Variants in TWSG1 observed in about 807,000 individuals in gnomAD.
TWSG1 encodes the protein twisted gastrulation protein homolog 1.
In TWSG1, 15 loss-of-function variants were observed where a neutral mutation model predicts 23.0. The ratio of observed to expected loss-of-function variants is 0.65; its 90% CI spans 0.44 to 1.00. TWSG1 has a LOEUF of 1.00. Ranked by LOEUF, TWSG1 falls within the 50% of genes least tolerant of loss-of-function variation. TWSG1 has a pLI of 0.00. For missense variants in TWSG1, 242 were observed against 278.7 expected, an observed-to-expected ratio of 0.87 and a Z score of 0.94; for synonymous variants, 86 against 92.8, an observed-to-expected ratio of 0.93 and a Z score of 0.42.
At chr18:9,386,113 G>A (rs1375162183) in intron 3 of TWSG1, among the ~76,000 whole-genome samples, 5 of 150,816 alleles carry the variant, frequency 3.3e-5, no homozygotes, top group African/African-American at 1.2e-4. Flanking sequence ...AGGTTGCAGT[G>A]AGCCGAGATC....
In TWSG1 at chr18:9,337,222, G is replaced by C; in HGVS notation, c.-8G>C. ...CTGGGAGTTACTGATCATCTTCTTT[G>C]AAGAAACATGAAGTTACACTATGTT... On this transcript the variant is annotated 5_prime_UTR_variant, in exon 2 of 5. Coordinates refer to ENST00000262120, the MANE Select transcript of TWSG1 (RefSeq NM_020648.6). The C allele has an allele frequency of 1.2e-6, 2 of 1,609,564 alleles. No homozygotes were observed. The highest frequency in any genetic ancestry group is 1.7e-6 in the Non-Finnish European group (2 of 1,179,808).
intron 3 of TWSG1, among the ~76,000 whole-genome samples, chr18:9,392,390 T>G (rs1042168748): frequency 5.9e-5 from 9 of 152,262 alleles, no homozygotes; most frequent in African/African-American, 2.2e-4. Flanking sequence ...AACCAATCTC[T>G]GCCAGCTTCA....
At chr18:9,338,480 A>T (rs2040432229) in intron 2 of TWSG1, among the ~76,000 whole-genome samples, 1 of 151,710 alleles carries the variant, frequency 6.6e-6, no homozygotes, top group South Asian at 2.1e-4. Flanking sequence ...CTCCTACATT[A>T]TTCACTCCCA....
chr18:9,399,575 A>G lies in TWSG1; in HGVS notation c.*48A>G, dbSNP rs775778823. 2.0e-6 allele frequency: 3 copies of G among 1,498,206 alleles called. No individual in the cohort carries two copies. The Admixed American group carries it at 6.4e-5, about 32-fold the overall frequency. 92.8% of individuals were successfully genotyped at this position (1,498,206 alleles called of 1,614,324 possible). A position where few individuals can be genotyped will look rare whatever the true frequency, so the allele number is the denominator to read the frequency against. ...CAACTTAGTAAAATAATAGGTATAA[A>G]AAGTTATTCTGTAAGTCTGTTGGTT... is the stretch of plus-strand genomic sequence containing the variant. On this transcript the variant is annotated 3_prime_UTR_variant, in exon 5 of 5. Coordinates refer to ENST00000262120, the MANE Select transcript of TWSG1 (RefSeq NM_020648.6).
intron 2 of TWSG1, among the ~76,000 whole-genome samples, chr18:9,343,210 T>TTATA (rs6146209): frequency 1.5e-3 from 197 of 131,678 alleles, no homozygotes; most frequent in African/African-American, 2.0e-3. Flanking sequence ...TTGTTTTTTG[T>TTATA]TATATATATA....
At chr18:9,339,935 C>T (rs937712078) in intron 2 of TWSG1, among the ~76,000 whole-genome samples, 6 of 152,154 alleles carry the variant, frequency 3.9e-5, no homozygotes, top group Admixed American at 1.3e-4. Context: ...TCAGCTAGGA[C>T]GTATTTTCAG....
intron 3 of TWSG1, among the ~76,000 whole-genome samples, chr18:9,372,273 T>C (rs1392268672): frequency 1.3e-5 from 2 of 151,476 alleles, no homozygotes; most frequent in Middle Eastern, 3.2e-3. Context: ...CTATACTTTT[T>C]CCTATACATA....
intron 3 of TWSG1, among the ~76,000 whole-genome samples, chr18:9,371,811 G>A (rs530542786): frequency 9.7e-4 from 131 of 135,672 alleles, no homozygotes; most frequent in African/African-American, 3.1e-3. Flanking sequence ...TCGCACTGTC[G>A]CCTGGGCTGG....
At chr18:9,337,494 C>A in intron 2 of TWSG1, 142 bp downstream of exon 2, 2 of 864,428 alleles carry the variant, frequency 2.3e-6, no homozygotes, top group Non-Finnish European at 3.4e-6. Flanking sequence ...AATCATGACA[C>A]ACAGGTCTGG....
rs528259002 is a variant in TWSG1, at chr18:9,385,415, G to A, written c.224-10865G>A. ...GCTTAAAAGAAAGAACGGGCCGGGC[G>A]CGGTGGCTCACGCCTGTAATCCCAG... On this transcript the variant is annotated intron_variant, in intron 3 of 4. Transcript: ENST00000262120. Among the ~76,000 whole-genome samples the A allele has an allele frequency of 4.5e-3, 173 of 38,202 alleles. 63 individuals are homozygous for A. Among genetic ancestry groups the A allele is most frequent in the African/African-American group, 0.028 (163 of 5,738 alleles). 25.1% of individuals were successfully genotyped at this position (38,202 alleles called of 152,430 possible).
intron 2 of TWSG1, among the ~76,000 whole-genome samples, chr18:9,341,032 A>G (rs1309990116): frequency 2.0e-5 from 3 of 151,026 alleles, no homozygotes; most frequent in Non-Finnish European, 2.9e-5. Flanking sequence ...CTCTATCCCC[A>G]TCTCCCTCCC....
chr18:9,349,627 C>T (rs375189438), intron 2 of TWSG1, among the ~76,000 whole-genome samples: 10 of 152,204 alleles, frequency 6.6e-5, no homozygotes, highest in Admixed American at 3.3e-4. Context: ...AAGTTTAGGG[C>T]TTCCTTAATT....
At chr18:9,372,049 G>GGCCTC (rs2040608146) in intron 3 of TWSG1, among the ~76,000 whole-genome samples, 1 of 152,066 alleles carries the variant, frequency 6.6e-6, no homozygotes. Flanking sequence ...ACAGCCGTGA[G>GGCCTC]CCATCGCGCC....
At chr18:9,391,368 AT>A (rs1438179777) in intron 3 of TWSG1, among the ~76,000 whole-genome samples, 3 of 152,208 alleles carry the variant, frequency 2.0e-5, no homozygotes, top group Non-Finnish European at 4.4e-5. Flanking sequence ...TAAACTCCTG[AT>A]AATGTTGATA....
chr18:9,351,602 A>G (rs1353321967), intron 2 of TWSG1, among the ~76,000 whole-genome samples: 1 of 146,532 alleles, frequency 6.8e-6, no homozygotes, highest in Admixed American at 6.8e-5. Context: ...TTATGAAGAA[A>G]CCCCAGTGTA....
At chr18:9,378,480 T>C (rs1347686741) in intron 3 of TWSG1, among the ~76,000 whole-genome samples, 1 of 152,158 alleles carries the variant, frequency 6.6e-6, no homozygotes, top group Non-Finnish European at 1.5e-5. Context: ...CCAGCACCCA[T>C]GCTGAGAGCC....
At chr18:9,368,592 C>A (rs1264668684) in intron 3 of TWSG1, among the ~76,000 whole-genome samples, 1 of 152,004 alleles carries the variant, frequency 6.6e-6, no homozygotes. Flanking sequence ...GCAGGTAGAT[C>A]ATTTGAGGTC....
chr18:9,375,789 C>G (rs576267016), intron 3 of TWSG1, among the ~76,000 whole-genome samples: 138 of 152,200 alleles, frequency 9.1e-4, no homozygotes, highest in Non-Finnish European at 1.6e-3. Context: ...TGCGCAAGGT[C>G]TGTATGAGGA....
chr18:9,348,283 GA>G (rs1256837675), intron 2 of TWSG1, among the ~76,000 whole-genome samples: 1 of 152,176 alleles, frequency 6.6e-6, no homozygotes, highest in Non-Finnish European at 1.5e-5. Context: ...TCTATTGTGG[GA>G]GTAGCCTAAC....
Sources: allele counts gnomAD v4.1 joint callset (sites outside exome capture counted in the v4.1 genomes callset), GRCh38; gene constraint gnomAD v4.1.1; transcripts MANE v1.5; gene names NCBI Gene and HGNC (gene_info 2026-07-23, HGNC 2026-07-21).